CCDC88C: variants seen among roughly 807,000 people sequenced by gnomAD.
CCDC88C encodes protein Daple.
A neutral mutation model predicts 198.8 loss-of-function variants in CCDC88C; 131 were observed. The ratio of observed to expected loss-of-function variants is 0.66; its 90% CI spans 0.57 to 0.76. The LOEUF (loss-of-function observed/expected upper bound fraction) is 0.76, where lower values mean the gene tolerates loss of function less well. Among genes scored for constraint, CCDC88C ranks in the 30% least tolerant of loss-of-function variants. The probability of loss-of-function intolerance (pLI) is 0.00; values close to 1 mark genes in which losing one functional copy is unlikely to be tolerated. For missense variants in CCDC88C, 2,553 were observed against 2,631.6 expected (o/e 0.97, Z 0.65); for synonymous variants, 1,166 against 1,114.7 (o/e 1.05, Z -0.92).
chr14:91,367,342 T>C (rs1894590003), intron 3 of CCDC88C, among the ~76,000 whole-genome samples: 1 of 152,152 alleles, frequency 6.6e-6, no homozygotes, highest in South Asian at 2.1e-4. Flanking sequence ...AAAGAGAGCC[T>C]TCCACACAGC....
rs1489295262 is a variant in CCDC88C, at chr14:91,381,585, C to T, written c.271-21874G>A. 2.6e-5 allele frequency among the ~76,000 whole-genome samples: 4 copies of T among 152,202 alleles called. No individual in the cohort carries two copies. Among genetic ancestry groups the T allele is most frequent in the Non-Finnish European group, 5.9e-5 (4 of 68,034 alleles). On this transcript the variant is annotated intron_variant, in intron 3 of 29. Transcript: ENST00000389857. This position sits in a 1 kb window ranked among gnomAD's most constrained non-coding sequence, Gnocchi z 4.2. ...CGGTGGCTCATGCCTGTAATCCTAG[C>T]ACTTTGGGAGGCCAAGTTGGGTGGA... is the stretch of plus-strand genomic sequence containing the variant.
At chr14:91,321,690 T>G (rs2139821776) in intron 12 of CCDC88C, among the ~76,000 whole-genome samples, 1 of 152,300 alleles carries the variant, frequency 6.6e-6, no homozygotes, top group South Asian at 2.1e-4. Context: ...CAGAGCATAA[T>G]GGACATCTCG....
intron 2 of CCDC88C, among the ~76,000 whole-genome samples, chr14:91,415,193 A>C (rs919359678): frequency 6.6e-6 from 1 of 152,122 alleles, no homozygotes; most frequent in Non-Finnish European, 1.5e-5. Flanking sequence ...TAACAGAATG[A>C]GGGGAGAGTG....
chr14:91,320,017 T>C, intron 13 of CCDC88C, among the ~76,000 whole-genome samples: 1 of 41,838 alleles, frequency 2.4e-5, no homozygotes, highest in African/African-American at 1.1e-4. Flanking sequence ...AGAACAAAAC[T>C]CAGTCTCAAA....
rs891563815 is a variant in CCDC88C at position 91,273,364 on chromosome 14, C to T, written c.5348G>A (p.Arg1783Gln). The change falls in exon 30 of 30, where the codon CGG becomes CAG. Residue 1783 changes from arginine (R) to glutamine (Q), a missense_variant. Coordinates refer to ENST00000389857, the MANE Select transcript of CCDC88C (RefSeq NM_001080414.4). This position sits in a 1 kb window ranked among gnomAD's most constrained non-coding sequence, Gnocchi z 5.6. ...GGAAGCTGGGGGCACCGGAGCCTGC[C>T]GGGGTCTGCCCAGAGACAGGCTCTG... ...PPQSLSLGRP[R>Q]QAPVPPASHA... is the part of the protein sequence containing the mutation. 2.2e-5 allele frequency: 34 copies of T among 1,533,250 alleles called. No individual in the cohort carries two copies. Among genetic ancestry groups the T allele is most frequent in the Non-Finnish European group, 2.5e-5 (29 of 1,138,550 alleles). 95.0% of individuals were successfully genotyped at this position (1,533,250 alleles called of 1,614,324 possible).
In CCDC88C at chr14:91,342,420, TC is replaced by T. The variant is rs755432256; in HGVS notation, c.442del (p.Asp148ThrfsTer15). 1 of 1,598,816 alleles carries T rather than the reference TC, an allele frequency of 6.3e-7. No homozygotes were observed. Among genetic ancestry groups the T allele is most frequent in the Non-Finnish European group, 8.5e-7 (1 of 1,172,748 alleles). On this transcript the variant is annotated frameshift_variant, in exon 6 of 30. Transcript: ENST00000389857. LOFTEE classifies it high-confidence loss of function. ...EEFIERIKQL[D>X]IETQAGIVAH... is the part of the protein sequence containing the mutation. Reference sequence around the variant, plus strand: ...CACGATGCCAGCCTGGGTCTCAATGTCCAGCTGTTTGATTCTTTCAATGAAC... The same window carrying T: ...CACGATGCCAGCCTGGGTCTCAATGTCAGCTGTTTGATTCTTTCAATGAAC...
intron 2 of CCDC88C, among the ~76,000 whole-genome samples, chr14:91,413,768 A>G (rs11851474): frequency 0.043 from 6,597 of 152,282 alleles, 317 homozygotes; most frequent in African/African-American, 0.11. Flanking sequence ...GGCCAGGTGC[A>G]GTCACGTGAC....
Position 91,417,684 on chromosome 14 carries a change from C to T in CCDC88C, c.7G>A (p.Val3Met), listed in dbSNP as rs1301129784. 5.1e-6 allele frequency: 8 copies of T among 1,567,616 alleles called. No homozygotes were observed. The highest frequency in any genetic ancestry group is 6.9e-6 in the Non-Finnish European group (8 of 1,161,274). MD[V>M]TVSELLELFL... The stretch of plus-strand genomic sequence containing the variant: ...AGCTCCAGGAGCTCCGAGACTGTCA[C>T]GTCCATGCTGAGGCTGCGCCCGCCG... Residue 3 changes from valine to methionine, a missense_variant, in exon 1 of 30, where the codon GTG becomes ATG. Physicochemically the swap from Val to Met is conservative, Grantham distance 21 (BLOSUM62 1). Coordinates refer to ENST00000389857, the MANE Select transcript of CCDC88C (RefSeq NM_001080414.4).
intron 3 of CCDC88C, among the ~76,000 whole-genome samples, chr14:91,372,668 T>C (rs1444466137): frequency 6.6e-6 from 1 of 151,958 alleles, no homozygotes; most frequent in Non-Finnish European, 1.5e-5. Context: ...GAACCAGATG[T>C]GCACAGAACC....
chr14:91,324,139 G>C (rs1596071417), intron 12 of CCDC88C, among the ~76,000 whole-genome samples: 1 of 152,266 alleles, frequency 6.6e-6, no homozygotes, highest in South Asian at 2.1e-4. Flanking sequence ...GTTTGCCGGG[G>C]CTGAGGCTTC....
At chr14:91,383,112 C>T (rs570258815) in intron 3 of CCDC88C, among the ~76,000 whole-genome samples, 1 of 152,358 alleles carries the variant, frequency 6.6e-6, no homozygotes, top group South Asian at 2.1e-4. Flanking sequence ...TGCCTTCCTG[C>T]ATCACTGCAG....
chr14:91,408,719 A>G lies in CCDC88C; in HGVS notation c.210T>C (p.Asp70=), dbSNP rs147778157. 28 of 1,613,934 alleles carry G rather than the reference A, an allele frequency of 1.7e-5. No homozygotes were observed. The highest frequency in any genetic ancestry group is 2.3e-5 in the Non-Finnish European group (27 of 1,179,814). ...TCAAATTCTGAATGCGAAGGTTCAC[A>G]TCATTGTTGACGTGCTTATTGATGC... is the stretch of plus-strand genomic sequence containing the variant. ...NQRINKHVNN[D]VNLRIQNLTI... Residue 70 remains aspartate (D), a synonymous_variant, in exon 3 of 30, where the codon GAT becomes GAC. Coordinates refer to ENST00000389857, the MANE Select transcript of CCDC88C (RefSeq NM_001080414.4).
chr14:91,379,685 C>T (rs1229044127), intron 3 of CCDC88C: 2 of 606,808 alleles, frequency 3.3e-6, no homozygotes, highest in Non-Finnish European at 5.9e-6. Context: ...ATTCTCCTTG[C>T]TGGCTGTCAG....
At chr14:91,315,496 T>C (rs927024762) in intron 14 of CCDC88C, among the ~76,000 whole-genome samples, 154 bp downstream of exon 14, 12 of 152,270 alleles carry the variant, frequency 7.9e-5, no homozygotes, top group Non-Finnish European at 5.9e-5. Context: ...CCACCGCCAG[T>C]TGGGAAATTG....
Position 91,343,526 on chromosome 14 carries a change from C to T in CCDC88C, c.399+73G>A, listed in dbSNP as rs147750524. 1.6e-3 allele frequency: 2,544 copies of T among 1,592,678 alleles called. 2 individuals are homozygous for T. The highest frequency in any genetic ancestry group is 2.0e-3 in the Non-Finnish European group (2,384 of 1,170,046). On this transcript the variant is annotated intron_variant, in intron 5 of 29. Transcript: ENST00000389857. Reference sequence around the variant, plus strand: ...CATCCTCCCACCTAAGCTAAGGGCTCGGTCAAGTCCCGCAAACCCAATATG... The same window carrying T: ...CATCCTCCCACCTAAGCTAAGGGCTTGGTCAAGTCCCGCAAACCCAATATG...
At chr14:91,309,559 G>A (rs1021770908) in intron 16 of CCDC88C, among the ~76,000 whole-genome samples, 8 of 138,294 alleles carry the variant, frequency 5.8e-5, no homozygotes, top group South Asian at 2.2e-4. Context: ...GAGGTAAGCC[G>A]AAATCATAAT....
intron 3 of CCDC88C, among the ~76,000 whole-genome samples, chr14:91,362,032 A>T (rs1894328324): frequency 6.6e-6 from 1 of 152,108 alleles, no homozygotes; most frequent in Non-Finnish European, 1.5e-5. Flanking sequence ...TCAGGGGTTC[A>T]AGACCAGCCT....
intron 25 of CCDC88C, chr14:91,285,603 TTTTG>T (rs1421871463): frequency 1.6e-6 from 2 of 1,242,906 alleles, no homozygotes; most frequent in Non-Finnish European, 2.1e-6. Flanking sequence ...CGCTGGCTTT[TTTTG>T]TTTGTTTGAA....
Position 91,303,767 on chromosome 14 carries a change from C to A in CCDC88C, c.3569G>T (p.Arg1190Leu). 1 of 1,613,158 alleles carries A rather than the reference C, an allele frequency of 6.2e-7. No homozygotes were observed. Among genetic ancestry groups the A allele is most frequent in the East Asian group, 2.2e-5 (1 of 44,848 alleles). Residue 1190 changes from arginine (R) to leucine (L), a missense_variant, in exon 20 of 30, where the codon CGC becomes CTC. This residue lies in a region of CCDC88C where 1,293 missense variants were observed against 1,219.6 expected (regional missense o/e 1.06). Coordinates refer to ENST00000389857, the MANE Select transcript of CCDC88C (RefSeq NM_001080414.4). ...RQSAEYEALI[R>L]QHSCLKTLHR... ...CAGTGTCTTTAGGCAGCTGTGCTGG[C>A]GGATGAGGGCCTCGTACTCGGCCGA...
Sources: allele counts gnomAD v4.1 joint callset (sites outside exome capture counted in the v4.1 genomes callset), GRCh38; gene constraint gnomAD v4.1.1; regional missense constraint gnomAD v4.1.1; non-coding constraint Gnocchi (gnomAD v3.1); transcripts MANE v1.5; gene names NCBI Gene and HGNC (gene_info 2026-07-23, HGNC 2026-07-21).